Variants in CDH13 observed in about 807,000 individuals in gnomAD.
CDH13 encodes the protein cadherin 13.
Under a neutral mutation model 63.8 loss-of-function variants are expected in CDH13, and 24 were observed. The ratio of observed to expected loss-of-function variants is 0.38; its 90% CI spans 0.27 to 0.53. CDH13 has a LOEUF of 0.53. Ranked by LOEUF, CDH13 falls within the 20% of genes least tolerant of loss-of-function variation. The probability of loss-of-function intolerance (pLI) is 0.85; values close to 1 mark genes in which losing one functional copy is unlikely to be tolerated. For synonymous variants in CDH13, 503 were observed against 355.3 expected (o/e 1.42, Z -4.67); for missense variants, 1,049 against 903.1 (o/e 1.16, Z -2.07).
At chr16:83,348,122 G>A (rs749989570) in intron 6 of CDH13, among the ~76,000 whole-genome samples, 4 of 152,026 alleles carry the variant, frequency 2.6e-5, no homozygotes, top group Non-Finnish European at 5.9e-5. Flanking sequence ...CCCAGGAGGC[G>A]GAAGTTGCAG....
chr16:83,727,445 C>T (rs970203000), intron 10 of CDH13, among the ~76,000 whole-genome samples: 1 of 151,680 alleles, frequency 6.6e-6, no homozygotes, highest in Admixed American at 6.6e-5. Context: ...ACCCTTTGCC[C>T]CATCACCGAG....
intron 8 of CDH13, among the ~76,000 whole-genome samples, chr16:83,644,507 A>T (rs527678594): frequency 1.3e-5 from 2 of 152,350 alleles, no homozygotes; most frequent in African/African-American, 4.8e-5. Flanking sequence ...CTGGCCCAAA[A>T]GTATGAGCAC....
At position 83,246,837 on chromosome 16, in the gene CDH13, T is replaced by A. The variant is rs575855759; in HGVS notation, c.636+29340T>A. Among the ~76,000 whole-genome samples the A allele has an allele frequency of 6.6e-5, 10 of 152,302 alleles. No homozygotes were observed. In the East Asian group the frequency reaches 1.9e-3, roughly 29 times the overall value. ...GGGACATTGCCGTCTGTTTCCTTCTTCAGTTCTCCTTTCCCTTCTACTCCA... is the reference window on the plus strand; with the variant it reads ...GGGACATTGCCGTCTGTTTCCTTCTACAGTTCTCCTTTCCCTTCTACTCCA... On this transcript the variant is annotated intron_variant, in intron 5 of 13. Transcript: ENST00000567109.
chr16:83,373,092 A>G (rs866255187), intron 6 of CDH13, among the ~76,000 whole-genome samples: 1 of 152,212 alleles, frequency 6.6e-6, no homozygotes, highest in Non-Finnish European at 1.5e-5. Flanking sequence ...AACTTTTCCA[A>G]AGCCAGAGTT....
chr16:83,645,587 A>G (rs1911714647), intron 8 of CDH13, among the ~76,000 whole-genome samples: 1 of 151,776 alleles, frequency 6.6e-6, no homozygotes, highest in African/African-American at 2.4e-5. Flanking sequence ...ACTCCATCAG[A>G]ACACCCCCAA....
At chr16:83,000,068 T>C (rs940523478) in intron 2 of CDH13, among the ~76,000 whole-genome samples, 8 of 151,992 alleles carry the variant, frequency 5.3e-5, no homozygotes, top group African/African-American at 1.9e-4. Context: ...ATGTCAATAG[T>C]GCTGTGGCTG....
chr16:83,231,147 G>A (rs780569616), intron 5 of CDH13, among the ~76,000 whole-genome samples: 23 of 152,192 alleles, frequency 1.5e-4, no homozygotes, highest in African/African-American at 2.6e-4. Context: ...TGCACATCAC[G>A]GCCCCATTTT....
At chr16:83,081,505 T>C (rs1398049740) in intron 3 of CDH13, among the ~76,000 whole-genome samples, 1 of 152,198 alleles carries the variant, frequency 6.6e-6, no homozygotes, top group Admixed American at 6.5e-5. Flanking sequence ...AATACTGATT[T>C]CTCCTTAGTT....
At chr16:83,658,943 C>A (rs1210177814) in intron 8 of CDH13, among the ~76,000 whole-genome samples, 1 of 134,216 alleles carries the variant, frequency 7.5e-6, no homozygotes, top group Non-Finnish European at 1.6e-5. Context: ...GTCCCATGTC[C>A]TCACCACCAG....
intron 13 of CDH13, chr16:83,790,224 A>T (rs796765236): frequency 9.2e-5 from 14 of 152,332 alleles, no homozygotes; most frequent in African/African-American, 3.1e-4. Flanking sequence ...AAGGATAATA[A>T]CAACATTTCA....
intron 2 of CDH13, among the ~76,000 whole-genome samples, chr16:82,962,449 A>G (rs1468670873): frequency 6.6e-6 from 1 of 152,200 alleles, no homozygotes; most frequent in Admixed American, 6.5e-5. Context: ...GTTTGTAGTA[A>G]TTTGGTATGG....
chr16:83,396,394 C>A (rs988390373), intron 6 of CDH13, among the ~76,000 whole-genome samples: 4 of 152,138 alleles, frequency 2.6e-5, no homozygotes, highest in African/African-American at 9.7e-5. Context: ...TCTTTATATG[C>A]CATGTGTCAT....
At chr16:83,396,959 A>G (rs2091896031) in intron 6 of CDH13, among the ~76,000 whole-genome samples, 1 of 152,204 alleles carries the variant, frequency 6.6e-6, no homozygotes, top group Non-Finnish European at 1.5e-5. Context: ...ATGAAATCAG[A>G]TAACTTGCCC....
intron 2 of CDH13, among the ~76,000 whole-genome samples, chr16:82,906,292 C>T (rs894501758): frequency 1.3e-5 from 2 of 152,152 alleles, no homozygotes; most frequent in African/African-American, 4.8e-5. Flanking sequence ...TAGCAGACCT[C>T]CATGGTGGCC....
chr16:82,979,744 C>A (rs942638833), intron 2 of CDH13, among the ~76,000 whole-genome samples: 1 of 152,138 alleles, frequency 6.6e-6, no homozygotes, highest in African/African-American at 2.4e-5. Flanking sequence ...AATGCACAGA[C>A]CAACAAGGAG....
intron 7 of CDH13, among the ~76,000 whole-genome samples, chr16:83,517,410 C>T (rs1286851709): frequency 1.3e-5 from 2 of 152,206 alleles, no homozygotes; most frequent in African/African-American, 4.8e-5. Flanking sequence ...TGCTGGGGAG[C>T]TCTGTTCCAC....
At chr16:82,902,644 C>T (rs1159646164) in intron 2 of CDH13, among the ~76,000 whole-genome samples, 1 of 151,016 alleles carries the variant, frequency 6.6e-6, no homozygotes, top group African/African-American at 2.4e-5. Flanking sequence ...TCTACCTATA[C>T]ATTAATCAGT....
chr16:83,428,677 G>A (rs78683911), intron 6 of CDH13, among the ~76,000 whole-genome samples: 2,754 of 152,294 alleles, frequency 0.018, 101 homozygotes, highest in African/African-American at 0.063. Context: ...AAATTAGTCC[G>A]TAAGACAAGG....
intron 6 of CDH13, among the ~76,000 whole-genome samples, chr16:83,459,603 A>G (rs1286778149): frequency 6.6e-6 from 1 of 152,236 alleles, no homozygotes; most frequent in Non-Finnish European, 1.5e-5. Flanking sequence ...AGCCATAGGA[A>G]AATGGCTGAC....
Sources: allele counts gnomAD v4.1 joint callset (sites outside exome capture counted in the v4.1 genomes callset), GRCh38; gene constraint gnomAD v4.1.1; transcripts MANE v1.5; gene names NCBI Gene and HGNC (gene_info 2026-07-23, HGNC 2026-07-21).